The following RNF212B variants were observed in gnomAD, a reference collection of about 807,000 sequenced individuals.
RNF212B encodes the protein E3 ubiquitin-protein ligase RNF212B.
In RNF212B, 52 loss-of-function variants were observed where a neutral mutation model predicts 55.5. That is an observed-to-expected ratio of 0.94 (90% CI 0.75 to 1.18). The LOEUF is 1.18. Ranked by LOEUF, RNF212B falls within the 50% of genes most tolerant of loss-of-function variation. The pLI, the probability that RNF212B is intolerant of heterozygous loss-of-function variation, is 0.00. For synonymous variants in RNF212B, 99 were observed against 121.4 expected (o/e 0.82, Z 1.21); for missense variants, 289 against 350.4 (o/e 0.82, Z 1.40).
At chr14:23,219,071 A>G (rs1286007343) in intron 2 of RNF212B, among the ~76,000 whole-genome samples, 2 of 152,204 alleles carry the variant, frequency 1.3e-5, no homozygotes, top group African/African-American at 4.8e-5. Context: ...AAAAACTTTT[A>G]CCTTAGAATA....
chr14:23,222,256 GA>G (rs199560542), intron 2 of RNF212B, among the ~76,000 whole-genome samples: 65 of 147,804 alleles, frequency 4.4e-4, no homozygotes, highest in Admixed American at 7.4e-4. Context: ...GACTGAATAA[GA>G]AAAAAAAAGA....
intron 11 of RNF212B, 88 bp from the exon 12 acceptor site, chr14:23,268,836 T>A (rs2140488246): frequency 9.0e-7 from 1 of 1,106,232 alleles, no homozygotes; most frequent in Non-Finnish European, 1.3e-6. Context: ...ATCTTTTATC[T>A]CCATTTCCTT....
intron 11 of RNF212B, among the ~76,000 whole-genome samples, chr14:23,265,955 A>G (rs1885660699): frequency 6.6e-6 from 1 of 152,024 alleles, no homozygotes; most frequent in South Asian, 2.1e-4. Flanking sequence ...TTTTGTTTAC[A>G]TTCATTCCAA....
chr14:23,231,786 C>T (rs7342547), intron 2 of RNF212B, among the ~76,000 whole-genome samples: 1,640 of 152,218 alleles, frequency 0.011, 34 homozygotes, highest in African/African-American at 0.037. Context: ...ATTGCAGGCA[C>T]GCGCCGCCAC....
intron 1 of RNF212B, among the ~76,000 whole-genome samples, chr14:23,238,805 T>C (rs1298543267): frequency 6.7e-6 from 1 of 149,042 alleles, no homozygotes; most frequent in Non-Finnish European, 1.5e-5. Context: ...CCTTACAAAG[T>C]CACATTTACT....
At chr14:23,196,626 G>T (rs1878738194) in intron 2 of RNF212B, among the ~76,000 whole-genome samples, 1 of 152,072 alleles carries the variant, frequency 6.6e-6, no homozygotes, top group Admixed American at 6.5e-5. Flanking sequence ...TATTTTTATA[G>T]AGATGGGGTC....
chr14:23,268,566 C>CATTTTTGTTGATGTCACTCCTAGCTA (rs376940058), intron 11 of RNF212B, among the ~76,000 whole-genome samples: 1 of 152,092 alleles, frequency 6.6e-6, no homozygotes, highest in South Asian at 2.1e-4. Flanking sequence ...TTTGCTCTGC[C>CATTTTTGTTGATGTCACTCCTAGCTA]ATTTTTGTTG....
At chr14:23,249,819 T>C (rs1343849865) in intron 4 of RNF212B, among the ~76,000 whole-genome samples, 2 of 152,222 alleles carry the variant, frequency 1.3e-5, no homozygotes, top group Non-Finnish European at 2.9e-5. Flanking sequence ...ATTCTCCAAT[T>C]GCTTTTGCTA....
chr14:23,240,228 A>G, intron 1 of RNF212B, 117 bp from the exon 2 acceptor site: 4 of 654,644 alleles, frequency 6.1e-6, no homozygotes, highest in Admixed American at 2.7e-5. Context: ...CCACAATGAT[A>G]TGCCACATCC....
intron 2 of RNF212B, among the ~76,000 whole-genome samples, chr14:23,204,257 T>A (rs1403755157): frequency 6.6e-6 from 1 of 152,252 alleles, no homozygotes; most frequent in Non-Finnish European, 1.5e-5. Flanking sequence ...ATCTTTGTTT[T>A]TATTATATTT....
intron 2 of RNF212B, among the ~76,000 whole-genome samples, chr14:23,232,507 T>C (rs1007736317): frequency 5.4e-5 from 8 of 148,108 alleles, no homozygotes; most frequent in Admixed American, 4.0e-4. Flanking sequence ...GTCTGGGAAG[T>C]GAGGAGCGTC....
At chr14:23,239,027 TTAAG>T (rs971226962) in intron 1 of RNF212B, among the ~76,000 whole-genome samples, 7 of 152,114 alleles carry the variant, frequency 4.6e-5, no homozygotes, top group African/African-American at 2.4e-5. Context: ...TGAACAAACA[TTAAG>T]TAATTTTTCA....
intron 2 of RNF212B, among the ~76,000 whole-genome samples, chr14:23,209,058 T>C (rs1228227698): frequency 3.3e-5 from 5 of 152,168 alleles, no homozygotes; most frequent in Non-Finnish European, 7.4e-5. Context: ...GTGCCCGGCC[T>C]GGTTGCCCAT....
intron 11 of RNF212B, among the ~76,000 whole-genome samples, chr14:23,266,911 G>A (rs1885747717): frequency 6.6e-6 from 1 of 152,080 alleles, no homozygotes; most frequent in Non-Finnish European, 1.5e-5. Flanking sequence ...CAGTTGTTCT[G>A]TCTGTTATTG....
At position 23,262,844 on chromosome 14, in the gene RNF212B, G is replaced by C; in HGVS notation, c.482-84G>C. ...GTAATATGAAAACATTATATAACCAGATAACCATGTACAACAAATTGGCCA... is the reference window on the plus strand; with the variant it reads ...GTAATATGAAAACATTATATAACCACATAACCATGTACAACAAATTGGCCA... On this transcript the variant is annotated intron_variant, in intron 8 of 14. Transcript: ENST00000430154. 4 of 1,459,934 alleles carry C rather than the reference G, an allele frequency of 2.7e-6. No individual in the cohort carries two copies. The South Asian group carries it at 4.9e-5, about 18-fold the overall frequency. 90.4% of individuals were successfully genotyped at this position (1,459,934 alleles called of 1,614,324 possible).
In RNF212B at chr14:23,242,549, G is replaced by A. The variant is rs573091187; in HGVS notation, c.101-707G>A. On this transcript the variant is annotated intron_variant, in intron 2 of 14. Transcript: ENST00000430154. ...TGTCAGGTCAATAGAATAAAAAAGAGTAACTTAAAGTTAAGATCTTTGGTA... is the reference window on the plus strand; with the variant it reads ...TGTCAGGTCAATAGAATAAAAAAGAATAACTTAAAGTTAAGATCTTTGGTA... Among the ~76,000 whole-genome samples the A allele has an allele frequency of 5.9e-5, 9 of 152,304 alleles. No homozygotes were observed. In the South Asian group the frequency reaches 1.9e-3, roughly 32 times the overall value.
chr14:23,212,612 G>C (rs920869615), intron 2 of RNF212B, among the ~76,000 whole-genome samples: 2 of 151,684 alleles, frequency 1.3e-5, no homozygotes, highest in Non-Finnish European at 2.9e-5. Context: ...GTCTCGCTCT[G>C]TCGCCCAGGC....
chr14:23,206,352 C>A (rs973314110), intron 2 of RNF212B, among the ~76,000 whole-genome samples: 1 of 152,186 alleles, frequency 6.6e-6, no homozygotes, highest in Admixed American at 6.5e-5. Flanking sequence ...GGATTACAGG[C>A]GTGAGCCACC....
chr14:23,191,260 G>A (rs1335713187), intron 1 of RNF212B, among the ~76,000 whole-genome samples: 1 of 151,588 alleles, frequency 6.6e-6, no homozygotes, highest in African/African-American at 2.4e-5. Flanking sequence ...GGGAGGCTGA[G>A]GCAGGAGACT....
Sources: gnomAD v4.1 joint callset for allele counts (sites outside exome capture counted in the v4.1 genomes callset) on GRCh38, gnomAD v4.1.1 for gene constraint, MANE v1.5 for transcripts, NCBI Gene and HGNC (gene_info 2026-07-23, HGNC 2026-07-21) for gene names.